Variants in MANBA observed in about 807,000 individuals in gnomAD.
The protein encoded by MANBA is mannosidase beta.
In MANBA, 83 loss-of-function variants were observed where a neutral mutation model predicts 111.1. That is an observed-to-expected ratio of 0.75 (90% CI 0.63 to 0.90). The LOEUF is 0.90. Ranked by LOEUF, MANBA falls within the 40% of genes least tolerant of loss-of-function variation. MANBA has a pLI of 0.00. For missense variants in MANBA, 1,036 were observed against 1,069.0 expected (o/e 0.97, Z 0.43); for synonymous variants, 370 against 378.7 (o/e 0.98, Z 0.27).
intron 5 of MANBA, among the ~76,000 whole-genome samples, chr4:102,710,016 A>T (rs1721988722): frequency 6.6e-6 from 1 of 152,182 alleles, no homozygotes; most frequent in Non-Finnish European, 1.5e-5. Flanking sequence ...ATACCTCAAC[A>T]TAATAAAAGC....
intron 5 of MANBA, among the ~76,000 whole-genome samples, chr4:102,703,054 C>T (rs1204581473): frequency 1.3e-5 from 2 of 152,186 alleles, no homozygotes; most frequent in Non-Finnish European, 1.5e-5. Context: ...AAGACAGTTA[C>T]ACAGAAGAAT....
rs1722308577 is a variant in MANBA at position 102,715,917 on chromosome 4, A to T, written c.550-1356T>A. 2.0e-5 allele frequency among the ~76,000 whole-genome samples: 3 copies of T among 152,232 alleles called. No individual in the cohort carries two copies. In the South Asian group the frequency reaches 6.2e-4, roughly 31 times the overall value. On this transcript the variant is annotated intron_variant, in intron 4 of 16. Coordinates refer to ENST00000647097, the MANE Select transcript of MANBA (RefSeq NM_005908.4). ...ATGCTTACTACATTGAAGCAACTCA[A>T]TAGTTCCTCTTTAAATTTCTCTATA... is the stretch of plus-strand genomic sequence containing the variant.
chr4:102,632,776 G>C (rs1729449063), intron 16 of MANBA, among the ~76,000 whole-genome samples: 1 of 152,224 alleles, frequency 6.6e-6, no homozygotes, highest in African/African-American at 2.4e-5. Flanking sequence ...TTACTGCATA[G>C]TTAAGTAAAG....
chr4:102,646,800 A>G (rs775623727), intron 13 of MANBA, among the ~76,000 whole-genome samples: 5 of 152,144 alleles, frequency 3.3e-5, no homozygotes, highest in Non-Finnish European at 7.4e-5. Context: ...AGGTAAGGCA[A>G]GATTATCCTG....
chr4:102,683,346 C>G (rs1578899192), intron 7 of MANBA, among the ~76,000 whole-genome samples: 1 of 152,182 alleles, frequency 6.6e-6, no homozygotes, highest in African/African-American at 2.4e-5. Flanking sequence ...ATTGGAGAAT[C>G]TTGATCCCAG....
intron 7 of MANBA, among the ~76,000 whole-genome samples, chr4:102,687,654 C>T (rs917693557): frequency 6.6e-6 from 1 of 152,134 alleles, no homozygotes; most frequent in African/African-American, 2.4e-5. Flanking sequence ...GGGAATCTTC[C>T]CAGAATGCCC....
Position 102,701,663 on chromosome 4 carries a change from T to C in MANBA, c.674-10892A>G, listed in dbSNP as rs1202080229. Among the ~76,000 whole-genome samples the C allele has an allele frequency of 2.5e-3, 378 of 151,886 alleles. 1 individual carries two copies. Among genetic ancestry groups the C allele is most frequent in the African/African-American group, 8.8e-3 (363 of 41,336 alleles). ...TGAAATTCTGGGTTGAAAATTCTTT[T>C]CTTTAAGAATGTTGAATATTGGCCC... On this transcript the variant is annotated intron_variant, in intron 5 of 16. Coordinates refer to ENST00000647097, the MANE Select transcript of MANBA (RefSeq NM_005908.4).
rs377281937 is a variant in MANBA, at chr4:102,669,821, G to A, written c.1231-772C>T. Among the ~76,000 whole-genome samples the A allele has an allele frequency of 8.8e-3, 1,334 of 152,054 alleles. 7 individuals carry two copies. The highest frequency in any genetic ancestry group is 0.016 in the Non-Finnish European group (1,059 of 67,952). ...CGGTGAAACCCCGTCTCTACTAAAA[G>A]TACAAAAAATTAGCCGGGCAAGGTG... is the stretch of plus-strand genomic sequence containing the variant. On this transcript the variant is annotated intron_variant, in intron 9 of 16. Coordinates refer to ENST00000647097, the MANE Select transcript of MANBA (RefSeq NM_005908.4).
Position 102,726,606 on chromosome 4 carries a change from T to A in MANBA, c.255A>T (p.Lys85Asn), listed in dbSNP as rs773356121. 2.0e-6 allele frequency: 3 copies of A among 1,534,482 alleles called. No individual in the cohort carries two copies. Among genetic ancestry groups the A allele is most frequent in the Non-Finnish European group, 1.8e-6 (2 of 1,109,178 alleles). The change falls in exon 2 of 17, where the codon AAA becomes AAT. Residue 85 changes from lysine to asparagine, a missense_variant. Coordinates refer to ENST00000647097, the MANE Select transcript of MANBA (RefSeq NM_005908.4). ...LDNWTYSKEF[K>N]IPFEISKWQK... is the part of the protein sequence containing the mutation. ...ATACATACCTAATTTCAAAGGGGATTTTAAATTCTTTGCTATAGGTCCAGT... is the reference window on the plus strand; with the variant it reads ...ATACATACCTAATTTCAAAGGGGATATTAAATTCTTTGCTATAGGTCCAGT...
chr4:102,643,465 G>A (rs1012227153), intron 13 of MANBA, among the ~76,000 whole-genome samples: 1 of 152,048 alleles, frequency 6.6e-6, no homozygotes, highest in African/African-American at 2.4e-5. Context: ...ACTTTTTAAG[G>A]AATTAACAAA....
intron 1 of MANBA, among the ~76,000 whole-genome samples, chr4:102,755,753 CA>C (rs1375440804): frequency 1.3e-5 from 2 of 152,190 alleles, no homozygotes; most frequent in African/African-American, 2.4e-5. Context: ...CCACAATCTA[CA>C]AAGAACTTCA....
intron 2 of MANBA, among the ~76,000 whole-genome samples, chr4:102,724,979 G>A (rs997443233): frequency 1.3e-5 from 2 of 152,160 alleles, no homozygotes; most frequent in Non-Finnish European, 2.9e-5. Flanking sequence ...CGGTCACAAA[G>A]GCCCACATAT....
At chr4:102,724,579 T>C (rs1276681957) in intron 2 of MANBA, among the ~76,000 whole-genome samples, 1 of 150,782 alleles carries the variant, frequency 6.6e-6, no homozygotes, top group Non-Finnish European at 1.5e-5. Context: ...AGTTAAATAA[T>C]AGACATAAAA....
intron 4 of MANBA, 22 bp downstream of exon 4, chr4:102,722,849 G>A (rs576945794): frequency 4.8e-5 from 78 of 1,611,592 alleles, no homozygotes; most frequent in Admixed American, 1.0e-4. Flanking sequence ...AATAAAACCC[G>A]ACCTGTTTGA....
intron 5 of MANBA, among the ~76,000 whole-genome samples, chr4:102,697,883 T>A (rs976777343): frequency 5.3e-5 from 8 of 152,146 alleles, no homozygotes; most frequent in African/African-American, 1.4e-4. Context: ...TGTAATGGGA[T>A]GGCTGGGTCA....
chr4:102,657,222 T>TGGGGGG (rs1553944231), intron 12 of MANBA, among the ~76,000 whole-genome samples: 4 of 52,202 alleles, frequency 7.7e-5, no homozygotes, highest in Admixed American at 2.5e-4. Context: ...AGGAGTGGGG[T>TGGGGGG]GGGGGGGGGG....
chr4:102,642,390 G>A lies in MANBA; in HGVS notation c.1870-2533C>T, dbSNP rs553146264. ...TGGGAGGCTGGGGTGGGTGAATCAC[G>A]AGGTCAGGAGATGGAGATCATCCTG... On this transcript the variant is annotated intron_variant, in intron 13 of 16. Coordinates refer to ENST00000647097, the MANE Select transcript of MANBA (RefSeq NM_005908.4). 6.6e-5 allele frequency among the ~76,000 whole-genome samples: 10 copies of A among 152,260 alleles called. No homozygotes were observed. In the East Asian group the frequency reaches 1.2e-3, roughly 18 times the overall value.
Position 102,689,744 on chromosome 4 carries a change from A to C in MANBA, c.850-60T>G, listed in dbSNP as rs1732392708. ...CATATTTTCAGCAAAAAAGGCTCAAAGCATTACATCAATTTCTCAAATAGT... is the reference window on the plus strand; with the variant it reads ...CATATTTTCAGCAAAAAAGGCTCAACGCATTACATCAATTTCTCAAATAGT... On this transcript the variant is annotated intron_variant, in intron 6 of 16. Transcript: ENST00000647097. 22 of 937,376 alleles carry C rather than the reference A, an allele frequency of 2.3e-5. 1 individual carries two copies. The South Asian group carries it at 2.7e-4, about 12-fold the overall frequency. The allele number at this position is 937,376 out of a possible 1,614,324, so 58.1% of individuals were successfully genotyped here. A position where few individuals can be genotyped will look rare whatever the true frequency, so the allele number is the denominator to read the frequency against.
intron 8 of MANBA, 137 bp from the exon 9 acceptor site, chr4:102,671,535 T>C: frequency 1.5e-6 from 1 of 666,866 alleles, no homozygotes; most frequent in African/African-American, 1.8e-5. Context: ...TTAAAGAAAG[T>C]AAGATAAAAT....
Sources: gnomAD v4.1 joint callset for allele counts (sites outside exome capture counted in the v4.1 genomes callset) on GRCh38, gnomAD v4.1.1 for gene constraint, MANE v1.5 for transcripts, NCBI Gene and HGNC (gene_info 2026-07-23, HGNC 2026-07-21) for gene names.